ZNF804A: variants seen among roughly 807,000 people sequenced by gnomAD.
ZNF804A encodes zinc finger protein 804A.
ZNF804A carries 2 observed loss-of-function variants against 16.5 expected under a neutral mutation model. That is an observed-to-expected ratio of 0.12 (90% CI 0.05 to 0.38). The LOEUF (loss-of-function observed/expected upper bound fraction) is 0.38, where lower values mean the gene tolerates loss of function less well. ZNF804A is among the 10% of genes least tolerant of loss of function. ZNF804A has a pLI of 0.99. For missense variants in ZNF804A, 1,473 were observed against 1,390.7 expected (o/e 1.06, Z -0.94); for synonymous variants, 534 against 489.6 (o/e 1.09, Z -1.20).
At chr2:184,870,246 A>G (rs565848584) in intron 2 of ZNF804A, among the ~76,000 whole-genome samples, 19 of 152,108 alleles carry the variant, frequency 1.2e-4, no homozygotes, top group African/African-American at 4.6e-4. Context: ...AAGGTTACAG[A>G]TATATGTGAT....
intron 1 of ZNF804A, among the ~76,000 whole-genome samples, chr2:184,609,361 C>T (rs1364357318): frequency 6.6e-6 from 1 of 152,300 alleles, no homozygotes; most frequent in Admixed American, 6.5e-5. Context: ...TCAGAGTTCT[C>T]TCCTGACTCC....
intron 3 of ZNF804A, among the ~76,000 whole-genome samples, chr2:184,935,565 C>A (rs1289200159): frequency 6.6e-6 from 1 of 152,078 alleles, no homozygotes; most frequent in African/African-American, 2.4e-5. Flanking sequence ...ATAAAAGCAA[C>A]TTCAGGACAA....
intron 1 of ZNF804A, among the ~76,000 whole-genome samples, chr2:184,855,477 C>A (rs1468804432): frequency 6.6e-6 from 1 of 151,898 alleles, no homozygotes; most frequent in Non-Finnish European, 1.5e-5. Context: ...TCAAACATAA[C>A]TTTTATAGCA....
chr2:184,908,819 A>T (rs545593949), intron 2 of ZNF804A, among the ~76,000 whole-genome samples: 1 of 152,256 alleles, frequency 6.6e-6, no homozygotes, highest in South Asian at 2.1e-4. Context: ...CAGAATGCAA[A>T]TTGCTACTCT....
At chr2:184,633,711 C>T (rs1037848969) in intron 1 of ZNF804A, among the ~76,000 whole-genome samples, 8 of 152,146 alleles carry the variant, frequency 5.3e-5, no homozygotes, top group Non-Finnish European at 8.8e-5. Flanking sequence ...TACATTTTAG[C>T]GTTTTTGTAA....
At chr2:184,787,632 C>T (rs1209482414) in intron 1 of ZNF804A, among the ~76,000 whole-genome samples, 2 of 151,644 alleles carry the variant, frequency 1.3e-5, no homozygotes, top group African/African-American at 4.8e-5. Flanking sequence ...TTATGTGTTT[C>T]GTTGGCCACT....
At position 184,936,869 on chromosome 2, in the gene ZNF804A, C is replaced by G. The variant is rs75132823; in HGVS notation, c.1473C>G (p.Asp491Glu). The change falls in exon 4 of 4, where the codon GAC (aspartate) becomes GAG (glutamate). Residue 491 changes from aspartate to glutamate, a missense_variant. Coordinates refer to ENST00000302277, the MANE Select transcript of ZNF804A (RefSeq NM_194250.2). ...KDLCSQQKQEDICMGPLSDYK... is the reference protein window; with the variant it reads ...KDLCSQQKQEEICMGPLSDYK... ...TTTGTTCTCAGCAGAAGCAGGAAGA[C>G]ATTTGCATGGGACCACTTTCAGATT... 6.2e-7 allele frequency: 1 copy of G among 1,613,314 alleles called. No individual in the cohort carries two copies.
chr2:184,933,686 A>C lies in ZNF804A; in HGVS notation c.339A>C (p.Ala113=), dbSNP rs1685740774. The C allele has an allele frequency of 1.9e-6, 3 of 1,610,982 alleles. No individual in the cohort carries two copies. The highest frequency in any genetic ancestry group is 3.4e-5 in the Admixed American group (2 of 59,354). ...AAGATGAAAGAAAACAGGAAAAGGC[A>C]CTCCAACGCCTGCACAAGCTGGCTG... ...SRKDERKQEK[A]LQRLHKLAEL... The change falls in exon 3 of 4, where the codon GCA becomes GCC. Residue 113 remains alanine, a synonymous_variant. Coordinates refer to ENST00000302277, the MANE Select transcript of ZNF804A (RefSeq NM_194250.2).
chr2:184,730,526 T>C (rs923947162), intron 1 of ZNF804A, among the ~76,000 whole-genome samples: 1 of 152,176 alleles, frequency 6.6e-6, no homozygotes, highest in Non-Finnish European at 1.5e-5. Flanking sequence ...TTTTGTGCTG[T>C]ATTCAACCTT....
At chr2:184,621,000 A>G (rs1462246662) in intron 1 of ZNF804A, among the ~76,000 whole-genome samples, 4 of 151,644 alleles carry the variant, frequency 2.6e-5, no homozygotes, top group African/African-American at 7.2e-5. Context: ...TAATTAATAG[A>G]TGATAACTAG....
intron 2 of ZNF804A, among the ~76,000 whole-genome samples, chr2:184,910,728 A>G (rs1331103461): frequency 1.3e-5 from 2 of 151,822 alleles, no homozygotes; most frequent in Admixed American, 6.6e-5. Context: ...AATGATTAGT[A>G]ATGTTGGGCA....
chr2:184,777,111 T>C (rs1694301184), intron 1 of ZNF804A, among the ~76,000 whole-genome samples: 1 of 151,442 alleles, frequency 6.6e-6, no homozygotes, highest in Non-Finnish European at 1.5e-5. Flanking sequence ...TTTGTTTTTG[T>C]CCCAATTGTA....
At chr2:184,770,986 C>G (rs920065846) in intron 1 of ZNF804A, among the ~76,000 whole-genome samples, 3 of 151,912 alleles carry the variant, frequency 2.0e-5, no homozygotes, top group African/African-American at 7.2e-5. Flanking sequence ...CAACATAACT[C>G]GAACACTACA....
chr2:184,890,268 A>G (rs1224006299), intron 2 of ZNF804A, among the ~76,000 whole-genome samples: 1 of 152,190 alleles, frequency 6.6e-6, no homozygotes, highest in Non-Finnish European at 1.5e-5. Flanking sequence ...AGCTTATATG[A>G]CTTCGTTGAT....
intron 1 of ZNF804A, among the ~76,000 whole-genome samples, chr2:184,724,319 A>G (rs1693368012): frequency 6.6e-6 from 1 of 151,768 alleles, no homozygotes; most frequent in South Asian, 2.1e-4. Context: ...TGCTCTATGT[A>G]CATTTATTTG....
At chr2:184,796,188 T>G (rs1694627517) in intron 1 of ZNF804A, among the ~76,000 whole-genome samples, 1 of 152,116 alleles carries the variant, frequency 6.6e-6, no homozygotes, top group African/African-American at 2.4e-5. Flanking sequence ...CTTTTTTGGT[T>G]ATGTCCATTC....
intron 1 of ZNF804A, among the ~76,000 whole-genome samples, chr2:184,748,161 G>T (rs915423379): frequency 7.3e-5 from 11 of 151,234 alleles, no homozygotes; most frequent in African/African-American, 1.5e-4. Flanking sequence ...TTGCTGAGTT[G>T]AATGTTAGCT....
At chr2:184,717,128 T>C (rs1249778732) in intron 1 of ZNF804A, among the ~76,000 whole-genome samples, 1 of 152,188 alleles carries the variant, frequency 6.6e-6, no homozygotes, top group Non-Finnish European at 1.5e-5. Context: ...TATGATTTAC[T>C]GAAATTTATT....
rs147506534 is a variant in ZNF804A, at chr2:184,931,725, C to T, written c.256-1878C>T. Among the ~76,000 whole-genome samples, 14 of 152,266 alleles carry T rather than the reference C, an allele frequency of 9.2e-5. No homozygotes were observed. In the East Asian group the frequency reaches 2.1e-3, roughly 23 times the overall value. ...ACTTCTTGTTACTTATGCAAATTTC[C>T]GCAGCCAGCTTGAATTTCTCCTCAG... On this transcript the variant is annotated intron_variant, in intron 2 of 3. Coordinates refer to ENST00000302277, the MANE Select transcript of ZNF804A (RefSeq NM_194250.2).
Sources: gnomAD v4.1 joint callset for allele counts (sites outside exome capture counted in the v4.1 genomes callset) on GRCh38, gnomAD v4.1.1 for gene constraint, MANE v1.5 for transcripts, NCBI Gene and HGNC (gene_info 2026-07-23, HGNC 2026-07-21) for gene names.